The following ZIC4 variants were observed in gnomAD, a reference collection of about 807,000 sequenced individuals.
The protein encoded by ZIC4 is Zic family zinc finger 4, also known as zinc finger protein ZIC 4.
In ZIC4, 15 loss-of-function variants were observed where a neutral mutation model predicts 28.8. That is an observed-to-expected ratio of 0.52 (90% CI 0.35 to 0.80). The LOEUF (loss-of-function observed/expected upper bound fraction) is 0.80, where lower values mean the gene tolerates loss of function less well. Ranked by LOEUF, ZIC4 falls within the 30% of genes least tolerant of loss-of-function variation. The pLI is 0.01. For missense variants in ZIC4, 512 were observed against 467.1 expected, an observed-to-expected ratio of 1.10 and a Z score of -0.89; for synonymous variants, 220 against 198.1, an observed-to-expected ratio of 1.11 and a Z score of -0.93.
rs573748908 is a variant in ZIC4 at position 147,406,440 on chromosome 3, C to T, written c.-93G>A. ...GGCTGAGAGGGGACCACAAACCCCTCCAAGCCTCTCTTTTGTGGTTCCAGC... is the reference window on the plus strand; with the variant it reads ...GGCTGAGAGGGGACCACAAACCCCTTCAAGCCTCTCTTTTGTGGTTCCAGC... On this transcript the variant is annotated 5_prime_UTR_variant, in exon 1 of 5. Transcript: ENST00000383075. 2 of 152,704 alleles carry T rather than the reference C, an allele frequency of 1.3e-5. No homozygotes were observed. The highest frequency in any genetic ancestry group is 4.1e-4 in the South Asian group (2 of 4,824). The allele number at this position is 152,704 out of a possible 1,614,324, so 9.5% of individuals were successfully genotyped here.
At chr3:147,392,204 A>G (rs2086940156) in intron 3 of ZIC4, 1 of 985,446 alleles carries the variant, frequency 1.0e-6, no homozygotes. Flanking sequence ...CGAGGTGTCT[A>G]CCGCAACCAC....
intron 1 of ZIC4, chr3:147,404,392 A>G: frequency 1.1e-6 from 1 of 873,140 alleles, no homozygotes; most frequent in African/African-American, 1.7e-5. Flanking sequence ...GGCTCTCTGT[A>G]GCGTTTCCAT....
At chr3:147,405,813 G>A in intron 1 of ZIC4, 1 of 365,346 alleles carries the variant, frequency 2.7e-6, no homozygotes, top group Non-Finnish European at 5.1e-6. Flanking sequence ...AAGTTCCATC[G>A]TCTTGCTGCC....
At chr3:147,405,146 TA>T (rs1362313842) in intron 1 of ZIC4, among the ~76,000 whole-genome samples, 2 of 152,188 alleles carry the variant, frequency 1.3e-5, no homozygotes, top group African/African-American at 4.8e-5. Context: ...TCCTGTTCTC[TA>T]GAGGGAGAAG....
Position 147,391,159 on chromosome 3 carries a change from G to C in ZIC4, c.776C>G (p.Thr259Ser). 6.2e-7 allele frequency: 1 copy of C among 1,611,986 alleles called. No individual in the cohort carries two copies. The highest frequency in any genetic ancestry group is 1.3e-5 in the African/African-American group (1 of 75,026). The change falls in exon 4 of 5, where the codon ACT (threonine) becomes AGT (serine). Residue 259 changes from threonine to serine, a missense_variant. Thr to Ser is a moderately conservative substitution (Grantham distance 58). Transcript: ENST00000383075. ...SDRKKHSHVH[T>S]SDKPYTCKVR... The stretch of plus-strand genomic sequence containing the variant: ...CTTGCACGTGTATGGCTTGTCGCTA[G>C]TGTGCACGTGCGAATGCTTCTTACG...
chr3:147,404,171 T>A (rs1447609607), intron 1 of ZIC4: 1 of 1,512,594 alleles, frequency 6.6e-7, no homozygotes, highest in African/African-American at 1.4e-5. Context: ...TGGTTGGCAA[T>A]AATAGAATTT....
In ZIC4 at chr3:147,396,389, G is replaced by A. The variant is rs1375939508; in HGVS notation, c.151C>T (p.Pro51Ser). Residue 51 changes from proline to serine, a missense_variant, in exon 3 of 5, where the codon CCC becomes TCC. Pro to Ser is a moderately conservative substitution (Grantham distance 74). Coordinates refer to ENST00000383075, the MANE Select transcript of ZIC4 (RefSeq NM_032153.6). The surrounding 1 kb of genome is among the most constrained non-coding windows in gnomAD (Gnocchi z 4.2). Reference sequence around the variant, plus strand: ...AAAGGACGGCTGGGGGAGGCCTGGGGAGGCTCCTCGTGGAGGCCCGGGAAC... The same window carrying A: ...AAAGGACGGCTGGGGGAGGCCTGGGAAGGCTCCTCGTGGAGGCCCGGGAAC... ...SVFPGLHEEPPQASPSRPLNG... is the reference protein window; with the variant it reads ...SVFPGLHEEPSQASPSRPLNG... 6.5e-7 allele frequency: 1 copy of A among 1,530,154 alleles called. No homozygotes were observed. Among genetic ancestry groups the A allele is most frequent in the Non-Finnish European group, 8.7e-7 (1 of 1,143,156 alleles). The allele number at this position is 1,530,154 out of a possible 1,614,324, so 94.8% of individuals were successfully genotyped here.
rs752536522 is a variant in ZIC4 at position 147,402,814 on chromosome 3, TG to T, written c.-15-3del. 2.5e-6 allele frequency: 4 copies of T among 1,613,206 alleles called. No individual in the cohort carries two copies. In the South Asian group the frequency reaches 4.4e-5, roughly 18 times the overall value. ...GTATCTCATTTTCTGACTTTGAGCCTGTTTGGGAAGAAAAGAGTGACAGTCA... is the reference window on the plus strand; with the variant it reads ...GTATCTCATTTTCTGACTTTGAGCCTTTTGGGAAGAAAAGAGTGACAGTCA... On this transcript the variant is annotated splice_region_variant and splice_polypyrimidine_tract_variant and intron_variant, in intron 1 of 4. Coordinates refer to ENST00000383075, the MANE Select transcript of ZIC4 (RefSeq NM_032153.6).
chr3:147,393,336 A>C (rs1478671059), intron 3 of ZIC4: 1 of 153,038 alleles, frequency 6.5e-6, no homozygotes, highest in Non-Finnish European at 1.5e-5. Context: ...CTTGCTCCGG[A>C]GCTGCAGGAG....
chr3:147,402,729 T>A lies in ZIC4; in HGVS notation c.69A>T (p.Ser23=). 6 of 1,606,656 alleles carry A rather than the reference T, an allele frequency of 3.7e-6. No homozygotes were observed. The highest frequency in any genetic ancestry group is 5.1e-6 in the Non-Finnish European group (6 of 1,176,392). Residue 23 remains serine (S), a splice_region_variant and synonymous_variant, in exon 2 of 5, where the codon TCA becomes TCT. Transcript: ENST00000383075. ...LRLYRNTLKE[S]SSSSGHHGPQ... is the part of the protein sequence containing the mutation. ...ATTCAAAGGAGGATTTTAACTTACT[T>A]GACTCTTTAAGAGTGTTTCGGTAAA... is the stretch of plus-strand genomic sequence containing the variant.
In ZIC4 at chr3:147,391,227, G is replaced by A; in HGVS notation, c.708C>T (p.Cys236=). ...AGCGCCGCTCGCAGCCCTCGAACTC[G>A]CATCTGAAGGGCTTCTCGCCTGGCG... is the stretch of plus-strand genomic sequence containing the variant. ...RTHTGEKPFR[C]EFEGCERRFA... The change falls in exon 4 of 5, where the codon TGC becomes TGT. Residue 236 remains cysteine (C), a synonymous_variant. Coordinates refer to ENST00000383075, the MANE Select transcript of ZIC4 (RefSeq NM_032153.6). 6.3e-7 allele frequency: 1 copy of A among 1,595,322 alleles called. No individual in the cohort carries two copies. Among genetic ancestry groups the A allele is most frequent in the South Asian group, 1.1e-5 (1 of 89,282 alleles).
intron 4 of ZIC4, among the ~76,000 whole-genome samples, chr3:147,389,977 T>C (rs549724902): frequency 1.1e-4 from 16 of 152,074 alleles, no homozygotes; most frequent in African/African-American, 2.9e-4. Context: ...TCTACAGGGG[T>C]TGGGGTGGGA....
rs2107955151 is a variant in ZIC4 at position 147,386,465 on chromosome 3, A to C, written c.*2394T>G. On this transcript the variant is annotated 3_prime_UTR_variant, in exon 5 of 5. Transcript: ENST00000383075. ...TATAAACAAACATATGGAGACCTTC[A>C]GTTAACAAATAAAATCAATATCAGG... 6.5e-6 allele frequency: 1 copy of C among 152,820 alleles called. No individual in the cohort carries two copies. The highest frequency in any genetic ancestry group is 1.5e-5 in the Non-Finnish European group (1 of 68,046). 9.5% of individuals were successfully genotyped at this position (152,820 alleles called of 1,614,324 possible).
chr3:147,396,252 A>G lies in ZIC4; in HGVS notation c.288T>C (p.His96=). 2 of 1,613,066 alleles carry G rather than the reference A, an allele frequency of 1.2e-6. No individual in the cohort carries two copies. Among genetic ancestry groups the G allele is most frequent in the Non-Finnish European group, 1.7e-6 (2 of 1,179,488 alleles). Residue 96 remains histidine, a synonymous_variant, in exon 3 of 5, where the codon CAT becomes CAC. Coordinates refer to ENST00000383075, the MANE Select transcript of ZIC4 (RefSeq NM_032153.6). The surrounding 1 kb of genome is among the most constrained non-coding windows in gnomAD (Gnocchi z 4.2). ...CCGTCAGGTTCATGCCCCCGTAGCC[A>G]TGCAGGGCTGCGGCAGCTGCCAGGG... ...SDALAAAAAL[H]GYGGMNLTVN... is the part of the protein sequence containing the mutation.
chr3:147,391,135 TTGCA>T lies in ZIC4; in HGVS notation c.796_799del (p.Cys266ArgfsTer19), dbSNP rs2086909177. ...GTAGCACTTGTCGCAGCCCCGCACC[TTGCA>T]CGTGTATGGCTTGTCGCTAGTGTGC... On this transcript the variant is annotated frameshift_variant, in exon 4 of 5. Coordinates refer to ENST00000383075, the MANE Select transcript of ZIC4 (RefSeq NM_032153.6). LOFTEE classifies it high-confidence loss of function. The T allele has an allele frequency of 6.2e-7, 1 of 1,613,904 alleles. No individual in the cohort carries two copies. The highest frequency in any genetic ancestry group is 1.7e-5 in the Admixed American group (1 of 60,014).
At chr3:147,405,000 G>C (rs998348294) in intron 1 of ZIC4, among the ~76,000 whole-genome samples, 1 of 152,250 alleles carries the variant, frequency 6.6e-6, no homozygotes, top group African/African-American at 2.4e-5. Context: ...CTGAGCCAGA[G>C]AGGAAACTGG....
At chr3:147,404,208 T>A in intron 1 of ZIC4, 1 of 1,472,432 alleles carries the variant, frequency 6.8e-7, no homozygotes, top group Non-Finnish European at 8.9e-7. Flanking sequence ...GGGAAATGGG[T>A]GTGAGGTTCC....
intron 2 of ZIC4, 54 bp downstream of exon 2, chr3:147,402,674 A>G (rs2087190649): frequency 6.8e-7 from 1 of 1,473,228 alleles, no homozygotes; most frequent in African/African-American, 1.4e-5. Context: ...AAAAAAGAAG[A>G]AGAAGAAGAA....
intron 3 of ZIC4, among the ~76,000 whole-genome samples, chr3:147,394,487 A>C (rs1460298314): frequency 1.5e-4 from 21 of 139,048 alleles, no homozygotes; most frequent in Admixed American, 4.3e-4. Context: ...AAAAAAAAAA[A>C]CCCTGTCATT....
Sources: allele counts gnomAD v4.1 joint callset (sites outside exome capture counted in the v4.1 genomes callset), GRCh38; gene constraint gnomAD v4.1.1; non-coding constraint Gnocchi (gnomAD v3.1); transcripts MANE v1.5; gene names NCBI Gene and HGNC (gene_info 2026-07-23, HGNC 2026-07-21).